INPP4B: variants seen among roughly 807,000 people sequenced by gnomAD.
The protein encoded by INPP4B is inositol polyphosphate 4-phosphatase type II.
INPP4B carries 55 observed loss-of-function variants against 122.5 expected under a neutral mutation model. The observed-to-expected ratio is 0.45, with a 90% CI of 0.36 to 0.56. The LOEUF (loss-of-function observed/expected upper bound fraction) is 0.56. INPP4B is among the 20% of genes least tolerant of loss of function. The pLI is 0.00. For synonymous variants in INPP4B, 403 were observed against 388.7 expected (o/e 1.04, Z -0.43); for missense variants, 1,000 against 1,097.7 (o/e 0.91, Z 1.26).
At chr4:142,149,281 C>T (rs925004038) in intron 17 of INPP4B, among the ~76,000 whole-genome samples, 11 of 152,168 alleles carry the variant, frequency 7.2e-5, no homozygotes, top group Admixed American at 7.2e-4. Context: ...AAGGAGGTGA[C>T]TCCAGAGACA....
At chr4:142,837,519 A>G (rs1782942841) in intron 1 of INPP4B, among the ~76,000 whole-genome samples, 1 of 152,176 alleles carries the variant, frequency 6.6e-6, no homozygotes, top group African/African-American at 2.4e-5. Context: ...GAATGAAAAT[A>G]TTGTCCTCCC....
intron 2 of INPP4B, among the ~76,000 whole-genome samples, chr4:142,680,766 T>C (rs925893457): frequency 4.0e-5 from 6 of 151,866 alleles, no homozygotes; most frequent in Admixed American, 1.3e-4. Context: ...CCTATTTCTG[T>C]CTCCCAAGCA....
chr4:142,444,564 T>C (rs1812500357), intron 3 of INPP4B, among the ~76,000 whole-genome samples: 2 of 151,334 alleles, frequency 1.3e-5, no homozygotes, highest in Non-Finnish European at 2.9e-5. Flanking sequence ...TTGGTGGGAG[T>C]GTAAATTAGT....
rs28663403 is a variant in INPP4B, at chr4:142,237,709, C to T, written c.836+155G>A. ...GAGAAAAAATAATAATTGATAAGTA[C>T]GTGAGGTAAGGCAAATGTTAACTGG... On this transcript the variant is annotated intron_variant, in intron 12 of 25. Transcript: ENST00000262992. Among the ~76,000 whole-genome samples, 698 of 151,898 alleles carry T rather than the reference C, an allele frequency of 4.6e-3. 4 individuals carry two copies. The highest frequency in any genetic ancestry group is 0.016 in the African/African-American group (655 of 41,464).
intron 3 of INPP4B, among the ~76,000 whole-genome samples, chr4:142,460,495 T>C (rs1471343397): frequency 6.6e-6 from 1 of 152,176 alleles, no homozygotes; most frequent in Non-Finnish European, 1.5e-5. Context: ...TCTTCCTACA[T>C]TTAAGTTTCA....
At chr4:142,165,955 A>AT (rs34286405) in intron 16 of INPP4B, among the ~76,000 whole-genome samples, 3 of 151,506 alleles carry the variant, frequency 2.0e-5, no homozygotes, top group Admixed American at 6.6e-5. Flanking sequence ...TTGAATTTGC[A>AT]TTTTTCTAAT....
intron 2 of INPP4B, among the ~76,000 whole-genome samples, chr4:142,724,599 C>T (rs924661876): frequency 2.6e-5 from 4 of 152,126 alleles, no homozygotes; most frequent in Non-Finnish European, 5.9e-5. Flanking sequence ...CCTCAATTAA[C>T]TTCATTAACC....
At chr4:142,329,014 C>T (rs980643906) in intron 7 of INPP4B, among the ~76,000 whole-genome samples, 1 of 152,186 alleles carries the variant, frequency 6.6e-6, no homozygotes, top group African/African-American at 2.4e-5. Flanking sequence ...ACTTTCCTTG[C>T]TCTCACCTCC....
intron 2 of INPP4B, among the ~76,000 whole-genome samples, chr4:142,583,156 T>A (rs1185312753): frequency 6.6e-6 from 1 of 152,058 alleles, no homozygotes; most frequent in Non-Finnish European, 1.5e-5. Flanking sequence ...TACATGTGTA[T>A]CCCCAGTGTT....
At chr4:142,567,197 G>A (rs1731796222) in intron 2 of INPP4B, among the ~76,000 whole-genome samples, 1 of 152,174 alleles carries the variant, frequency 6.6e-6, no homozygotes, top group Admixed American at 6.5e-5. Flanking sequence ...TGGCAAAAGT[G>A]TTGCATTCTG....
chr4:142,471,864 A>G (rs1206516466), intron 2 of INPP4B, among the ~76,000 whole-genome samples: 2 of 150,460 alleles, frequency 1.3e-5, no homozygotes, highest in South Asian at 2.1e-4. Flanking sequence ...CCCTTCCTCC[A>G]TAGTATACAC....
intron 2 of INPP4B, among the ~76,000 whole-genome samples, chr4:142,480,834 T>A (rs1458295044): frequency 6.6e-6 from 1 of 151,858 alleles, no homozygotes; most frequent in African/African-American, 2.4e-5. Flanking sequence ...ACGAAAGTAG[T>A]TTTGGATGAA....
chr4:142,300,199 C>T (rs2151108001), intron 9 of INPP4B, among the ~76,000 whole-genome samples: 1 of 152,228 alleles, frequency 6.6e-6, no homozygotes, highest in East Asian at 1.9e-4. Flanking sequence ...AATCCACTGC[C>T]CTGTGGCCTA....
chr4:142,601,534 G>A (rs143557010), intron 2 of INPP4B, among the ~76,000 whole-genome samples: 83 of 148,658 alleles, frequency 5.6e-4, no homozygotes, highest in African/African-American at 2.0e-3. Flanking sequence ...AATACCTACG[G>A]GACACAGCAA....
At chr4:142,396,470 T>A (rs1403046748) in intron 7 of INPP4B, among the ~76,000 whole-genome samples, 2 of 152,056 alleles carry the variant, frequency 1.3e-5, no homozygotes, top group East Asian at 3.9e-4. Context: ...ATATCATGTG[T>A]TGGAGGAGAA....
intron 2 of INPP4B, among the ~76,000 whole-genome samples, chr4:142,629,777 T>C (rs975601228): frequency 3.3e-5 from 5 of 152,084 alleles, no homozygotes; most frequent in African/African-American, 1.2e-4. Context: ...TGATGCAGCA[T>C]AATATAGGGG....
chr4:142,202,716 T>C (rs1005249296), intron 14 of INPP4B: 7 of 981,918 alleles, frequency 7.1e-6, no homozygotes, highest in African/African-American at 3.5e-5. Context: ...TTAAAACATA[T>C]ATTAGTTAAG....
At chr4:142,399,344 G>T (rs534560683) in intron 7 of INPP4B, among the ~76,000 whole-genome samples, 7 of 151,894 alleles carry the variant, frequency 4.6e-5, no homozygotes, top group African/African-American at 1.7e-4. Flanking sequence ...TTACAGGCGT[G>T]TGCCACCACG....
At chr4:142,059,286 G>C (rs1208648600) in intron 25 of INPP4B, among the ~76,000 whole-genome samples, 1 of 152,076 alleles carries the variant, frequency 6.6e-6, no homozygotes, top group Admixed American at 6.6e-5. Context: ...AATAATACCA[G>C]CTTAAAGTTC....
Sources: gnomAD v4.1 joint callset for allele counts (sites outside exome capture counted in the v4.1 genomes callset) on GRCh38, gnomAD v4.1.1 for gene constraint, MANE v1.5 for transcripts, NCBI Gene and HGNC (gene_info 2026-07-23, HGNC 2026-07-21) for gene names.